Variants in RGS6 observed in about 807,000 individuals in gnomAD.
RGS6 encodes the protein regulator of G protein signaling 6.
In RGS6, 30 loss-of-function variants were observed where a neutral mutation model predicts 78.5. The ratio of observed to expected loss-of-function variants is 0.38; its 90% CI spans 0.29 to 0.52. The LOEUF (loss-of-function observed/expected upper bound fraction) is 0.52, where lower values mean the gene tolerates loss of function less well. Ranked by LOEUF, RGS6 falls within the 20% of genes least tolerant of loss-of-function variation. The probability of loss-of-function intolerance (pLI) is 0.85; values close to 1 mark genes in which losing one functional copy is unlikely to be tolerated. For synonymous variants in RGS6, 206 were observed against 206.0 expected, an observed-to-expected ratio of 1.00 and a Z score of 0.00; for missense variants, 495 against 609.7, an observed-to-expected ratio of 0.81 and a Z score of 1.98.
intron 3 of RGS6, among the ~76,000 whole-genome samples, chr14:72,417,851 G>A (rs1217655524): frequency 6.6e-6 from 1 of 152,156 alleles, no homozygotes; most frequent in African/African-American, 2.4e-5. Context: ...TTCCATATCT[G>A]TAACAAGAAG....
chr14:72,532,425 A>G (rs901076619), intron 15 of RGS6, among the ~76,000 whole-genome samples: 8 of 152,168 alleles, frequency 5.3e-5, no homozygotes, highest in Non-Finnish European at 1.2e-4. Flanking sequence ...AATGACAACT[A>G]TATTGAAATT....
At chr14:72,594,179 A>C in the RGS6 span, 12 of 152,178 alleles carry the variant, frequency 7.9e-5, no homozygotes, top group Non-Finnish European at 1.6e-4. Context: ...GAGCAGGTAA[A>C]GGGCTTCTCC....
intron 2 of RGS6, among the ~76,000 whole-genome samples, chr14:72,227,927 A>G (rs2048525323): frequency 6.6e-6 from 1 of 152,210 alleles, no homozygotes; most frequent in Admixed American, 6.5e-5. Context: ...TTATAAACAC[A>G]TGAATGTCCT....
chr14:71,920,393 G>T, the RGS6 span, among the ~76,000 whole-genome samples: 1 of 152,202 alleles, frequency 6.6e-6, no homozygotes, highest in Admixed American at 6.5e-5. Flanking sequence ...ATTGTGAGGG[G>T]AGTCAAGATG....
chr14:72,569,112 GT>G (rs200013913), downstream of RGS6, among the ~76,000 whole-genome samples: 7,336 of 79,234 alleles, frequency 0.093, 227 homozygotes, highest in Middle Eastern at 0.21. Flanking sequence ...ATTCTCTGGG[GT>G]GTGTGTGTGT....
intron 2 of RGS6, among the ~76,000 whole-genome samples, chr14:72,057,961 C>T (rs1289250525): frequency 6.6e-6 from 1 of 152,162 alleles, no homozygotes. Context: ...AGGATCACAC[C>T]ATCTCTGCAT....
intron 2 of RGS6, among the ~76,000 whole-genome samples, chr14:72,271,085 G>A (rs1480193396): frequency 6.6e-6 from 1 of 152,182 alleles, no homozygotes; most frequent in African/African-American, 2.4e-5. Flanking sequence ...TGTCTGAGAG[G>A]CCAGAGGAAG....
chr14:71,954,617 T>C (rs34836658), intron 1 of RGS6, among the ~76,000 whole-genome samples: 19,153 of 152,174 alleles, frequency 0.13, 1,478 homozygotes, highest in Non-Finnish European at 0.16. Flanking sequence ...AAATGTACAA[T>C]TGAGTTGTTG....
intron 2 of RGS6, among the ~76,000 whole-genome samples, chr14:72,266,870 C>T (rs578181083): frequency 5.3e-5 from 8 of 152,196 alleles, no homozygotes; most frequent in Non-Finnish European, 8.8e-5. Flanking sequence ...GTTTATCCTG[C>T]GGTGCAGCAC....
intron 2 of RGS6, among the ~76,000 whole-genome samples, chr14:72,320,038 A>G (rs1224212839): frequency 6.6e-6 from 1 of 152,204 alleles, no homozygotes; most frequent in Non-Finnish European, 1.5e-5. Context: ...TGATTTGGTC[A>G]CACCAGCAGG....
At chr14:72,060,017 A>G (rs2093812601) in intron 2 of RGS6, among the ~76,000 whole-genome samples, 1 of 152,142 alleles carries the variant, frequency 6.6e-6, no homozygotes, top group Non-Finnish European at 1.5e-5. Flanking sequence ...CCTACATTAT[A>G]CACTTTCACT....
Position 72,273,211 on chromosome 14 carries a change from A to G in RGS6, c.85-78884A>G, listed in dbSNP as rs185185887. ...AATTGAAAGTGAGCATTCCACAGTG[A>G]CTTGAGAAAGTTGATTCCGGCTTTC... On this transcript the variant is annotated intron_variant, in intron 2 of 17. Coordinates refer to ENST00000553525, the MANE Select transcript of RGS6 (RefSeq NM_001204424.2). 3.9e-5 allele frequency among the ~76,000 whole-genome samples: 6 copies of G among 152,318 alleles called. No homozygotes were observed. The East Asian group carries it at 7.7e-4, about 20-fold the overall frequency.
intron 2 of RGS6, among the ~76,000 whole-genome samples, chr14:72,021,609 C>G (rs949896112): frequency 6.6e-6 from 1 of 151,700 alleles, no homozygotes; most frequent in Non-Finnish European, 1.5e-5. Context: ...GCTGGAATTA[C>G]AGGCGCCTGC....
the RGS6 span, among the ~76,000 whole-genome samples, chr14:71,868,687 G>A: frequency 6.6e-6 from 1 of 152,142 alleles, no homozygotes; most frequent in Admixed American, 6.5e-5. Context: ...ACCTGTCCTT[G>A]GGACCTACGA....
chr14:72,354,759 A>G (rs777639946), intron 3 of RGS6, among the ~76,000 whole-genome samples: 5 of 152,168 alleles, frequency 3.3e-5, no homozygotes, highest in Admixed American at 2.6e-4. Flanking sequence ...TTAGATTTCA[A>G]TATATGAATT....
At chr14:72,326,994 G>T (rs569649880) in intron 2 of RGS6, among the ~76,000 whole-genome samples, 1 of 152,134 alleles carries the variant, frequency 6.6e-6, no homozygotes, top group South Asian at 2.1e-4. Context: ...GGTGTGAGCC[G>T]TTGCGCCCGG....
chr14:72,222,608 T>G (rs2047137046), intron 2 of RGS6, among the ~76,000 whole-genome samples: 1 of 152,182 alleles, frequency 6.6e-6, no homozygotes, highest in African/African-American at 2.4e-5. Flanking sequence ...AAATGCAGGG[T>G]GAGCTTGCAA....
At chr14:72,475,800 C>G (rs118040220) in intron 10 of RGS6, among the ~76,000 whole-genome samples, 1,856 of 134,142 alleles carry the variant, frequency 0.014, 16 homozygotes, top group Non-Finnish European at 0.02. Context: ...AATTAGCTCT[C>G]TCTCATGTAT....
At chr14:72,611,642 CTG>C in the RGS6 span, among the ~76,000 whole-genome samples, 1 of 152,180 alleles carries the variant, frequency 6.6e-6, no homozygotes, top group Non-Finnish European at 1.5e-5. Context: ...ACAAGCAGCT[CTG>C]GGGACACTGG....
Sources: allele counts gnomAD v4.1 joint callset (sites outside exome capture counted in the v4.1 genomes callset), GRCh38; gene constraint gnomAD v4.1.1; transcripts MANE v1.5; gene names NCBI Gene and HGNC (gene_info 2026-07-23, HGNC 2026-07-21).